TDRD12: variants seen among roughly 807,000 people sequenced by gnomAD.
TDRD12 encodes tudor domain containing 12.
Under a neutral mutation model 133.5 loss-of-function variants are expected in TDRD12, and 158 were observed. That is an observed-to-expected ratio of 1.18 (90% CI 1.04 to 1.35). The LOEUF is 1.35. Among genes scored for constraint, TDRD12 ranks in the 40% most tolerant of loss-of-function variants. The pLI is 0.00. For synonymous variants in TDRD12, 460 were observed against 477.9 expected, an observed-to-expected ratio of 0.96 and a Z score of 0.49; for missense variants, 1,443 against 1,321.3, an observed-to-expected ratio of 1.09 and a Z score of -1.43.
chr19:32,761,874 C>T (rs963790619), intron 8 of TDRD12, among the ~76,000 whole-genome samples: 3 of 151,950 alleles, frequency 2.0e-5, no homozygotes, highest in Admixed American at 6.6e-5. Flanking sequence ...TTAGTAGAGA[C>T]GGGGTTTCAC....
At position 32,720,080 on chromosome 19, in the gene TDRD12, AGC is replaced by A; in HGVS notation, c.9_10del (p.Gln3HisfsTer7). On this transcript the variant is annotated frameshift_variant, in exon 1 of 28. Transcript: ENST00000444215. LOFTEE classifies it high-confidence loss of function. ...CCCTCGGGCGCCAGGAGGATGCTCCAGCTCCTGGTGCTGAAGGTGAGCGCCGC... is the reference window on the plus strand; with the variant it reads ...CCCTCGGGCGCCAGGAGGATGCTCCATCCTGGTGCTGAAGGTGAGCGCCGC... The A allele has an allele frequency of 1.9e-6, 3 of 1,548,286 alleles. No individual in the cohort carries two copies. The highest frequency in any genetic ancestry group is 2.6e-6 in the Non-Finnish European group (3 of 1,146,206).
At chr19:32,742,507 A>T (rs1969460077) in intron 3 of TDRD12, among the ~76,000 whole-genome samples, 1 of 152,128 alleles carries the variant, frequency 6.6e-6, no homozygotes, top group Non-Finnish European at 1.5e-5. Flanking sequence ...CCCCTAGGTC[A>T]TGAAATGTCA....
chr19:32,799,482 A>G (rs1013726075), intron 16 of TDRD12, among the ~76,000 whole-genome samples: 1 of 152,142 alleles, frequency 6.6e-6, no homozygotes, highest in Admixed American at 6.6e-5. Flanking sequence ...TAGGTTGAAC[A>G]TTAATTCGTA....
At chr19:32,785,288 C>A (rs952919654) in intron 11 of TDRD12, among the ~76,000 whole-genome samples, 1 of 152,184 alleles carries the variant, frequency 6.6e-6, no homozygotes, top group Non-Finnish European at 1.5e-5. Flanking sequence ...GATTCTTAAT[C>A]CTGAGTTCTA....
chr19:32,748,345 G>A, intron 4 of TDRD12, 131 bp from the exon 5 acceptor site: 2 of 877,794 alleles, frequency 2.3e-6, no homozygotes, highest in South Asian at 1.7e-5. Context: ...GCCAGTGCCA[G>A]GTGCCCCATC....
intron 6 of TDRD12, among the ~76,000 whole-genome samples, chr19:32,753,661 A>G (rs933211213): frequency 7.7e-5 from 11 of 143,130 alleles, no homozygotes; most frequent in African/African-American, 2.6e-4. Context: ...CCGCCATCAC[A>G]CCTGGCTAAT....
chr19:32,772,264 G>A (rs967697253), intron 8 of TDRD12, among the ~76,000 whole-genome samples: 5 of 152,174 alleles, frequency 3.3e-5, no homozygotes, highest in African/African-American at 1.2e-4. Context: ...TCATGGCTGG[G>A]CTTCAAATGT....
At chr19:32,728,242 G>C (rs1447664214) in intron 1 of TDRD12, among the ~76,000 whole-genome samples, 1 of 151,912 alleles carries the variant, frequency 6.6e-6, no homozygotes, top group Non-Finnish European at 1.5e-5. Context: ...GGCTATTTTG[G>C]GTCCCTTGGG....
chr19:32,794,602 G>T, intron 13 of TDRD12, 26 bp from the exon 14 acceptor site: 1 of 696,748 alleles, frequency 1.4e-6, no homozygotes, highest in South Asian at 1.5e-5. Context: ...ACCTTATTTT[G>T]GTTTCTGGTT....
At chr19:32,725,048 CT>C (rs1252280735) in intron 1 of TDRD12, among the ~76,000 whole-genome samples, 1 of 152,078 alleles carries the variant, frequency 6.6e-6, no homozygotes, top group Admixed American at 6.6e-5. Flanking sequence ...GCTTTGCCTA[CT>C]TTTTGATGGG....
intron 7 of TDRD12, 81 bp downstream of exon 7, chr19:32,756,262 T>A (rs1969989301): frequency 3.3e-6 from 4 of 1,198,704 alleles, no homozygotes; most frequent in Non-Finnish European, 4.4e-6. Context: ...TTGTACAGAC[T>A]TTTCCCCACA....
intron 3 of TDRD12, 80 bp downstream of exon 3, chr19:32,739,072 C>T (rs1049248741): frequency 1.9e-5 from 29 of 1,499,190 alleles, no homozygotes; most frequent in Admixed American, 4.0e-5. Flanking sequence ...TTTTAAAGTA[C>T]GGGGCTAGAG....
chr19:32,804,608 A>T (rs1971490744), intron 21 of TDRD12, among the ~76,000 whole-genome samples: 1 of 151,014 alleles, frequency 6.6e-6, no homozygotes, highest in East Asian at 2.0e-4. Flanking sequence ...CAGGAGAATC[A>T]CTTGAACCCT....
chr19:32,760,567 A>G (rs2145562127), intron 8 of TDRD12, among the ~76,000 whole-genome samples: 1 of 152,310 alleles, frequency 6.6e-6, no homozygotes, highest in South Asian at 2.1e-4. Context: ...TCCCCTAGAG[A>G]TAAACTCACT....
At chr19:32,730,086 G>A (rs929891797) in intron 1 of TDRD12, among the ~76,000 whole-genome samples, 5 of 151,904 alleles carry the variant, frequency 3.3e-5, no homozygotes, top group African/African-American at 1.2e-4. Context: ...CACAGCACCC[G>A]GCTAAAACTG....
chr19:32,731,978 AT>A, intron 2 of TDRD12, 95 bp downstream of exon 2: 1 of 1,306,656 alleles, frequency 7.7e-7, no homozygotes, highest in Non-Finnish European at 1.0e-6. Flanking sequence ...CTTTTAGAGT[AT>A]TTTAGTTTCT....
intron 25 of TDRD12, among the ~76,000 whole-genome samples, 159 bp from the exon 26 acceptor site, chr19:32,815,289 C>T (rs1340610055): frequency 6.6e-6 from 1 of 152,208 alleles, no homozygotes; most frequent in Non-Finnish European, 1.5e-5. Context: ...AGGAAGCAAT[C>T]CAGATGCTGC....
At chr19:32,753,768 C>T (rs907457836) in intron 6 of TDRD12, among the ~76,000 whole-genome samples, 2 of 150,694 alleles carry the variant, frequency 1.3e-5, no homozygotes, top group Admixed American at 6.6e-5. Context: ...CCACCTGTCT[C>T]GGCCTCCCAA....
At chr19:32,823,584 G>A (rs2145767224), downstream of TDRD12, among the ~76,000 whole-genome samples, 1 of 152,226 alleles carries the variant, frequency 6.6e-6, no homozygotes, top group Admixed American at 6.5e-5. Flanking sequence ...GGTACGTGGG[G>A]GACTGAATGT....
Sources: allele counts gnomAD v4.1 joint callset (sites outside exome capture counted in the v4.1 genomes callset), GRCh38; gene constraint gnomAD v4.1.1; transcripts MANE v1.5; gene names NCBI Gene and HGNC (gene_info 2026-07-23, HGNC 2026-07-21).